The following HMCN1 variants were observed in gnomAD, a reference collection of about 807,000 sequenced individuals.
HMCN1 encodes the protein hemicentin 1, also known as hemicentin-1.
A neutral mutation model predicts 625.9 loss-of-function variants in HMCN1; 321 were observed. The ratio of observed to expected loss-of-function variants is 0.51; its 90% CI spans 0.47 to 0.56. The LOEUF is 0.56. Among genes scored for constraint, HMCN1 ranks in the 20% least tolerant of loss-of-function variants. The probability of loss-of-function intolerance (pLI) is 0.00; values close to 1 mark genes in which losing one functional copy is unlikely to be tolerated. For missense variants in HMCN1, 6,588 were observed against 6,887.3 expected, an observed-to-expected ratio of 0.96 and a Z score of 1.54; for synonymous variants, 2,425 against 2,417.6, an observed-to-expected ratio of 1.00 and a Z score of -0.09.
rs927852561 is a variant in HMCN1 at position 185,949,301 on chromosome 1, GT to G, written c.1829-13210del. On this transcript the variant is annotated intron_variant, in intron 11 of 106. Transcript: ENST00000271588. Reference sequence around the variant, plus strand: ...AGACAGAAGATAGTAGGGATGACAAGTTTTTTTGGGCACAGTCTAAGTTGGT... The same window carrying G: ...AGACAGAAGATAGTAGGGATGACAAGTTTTTTGGGCACAGTCTAAGTTGGT... Among the ~76,000 whole-genome samples the G allele has an allele frequency of 1.8e-3, 267 of 151,838 alleles. 2 individuals are homozygous for G. Among genetic ancestry groups the G allele is most frequent in the Non-Finnish European group, 3.1e-3 (211 of 68,004 alleles).
At chr1:185,872,506 A>G (rs1290305928) in intron 4 of HMCN1, among the ~76,000 whole-genome samples, 1 of 152,194 alleles carries the variant, frequency 6.6e-6, no homozygotes, top group Non-Finnish European at 1.5e-5. Flanking sequence ...TCATAATGAC[A>G]TTTAAAGAGT....
In HMCN1 at chr1:186,015,206, T is replaced by C. The variant is rs1174593151; in HGVS notation, c.4678T>C (p.Leu1560=). The change falls in exon 31 of 107, where the codon TTG becomes CTG. Residue 1560 remains leucine, a synonymous_variant. Transcript: ENST00000271588. The part of the protein sequence containing the change: ...GGNVTTDISV[L]INSLIKLECE... Reference sequence around the variant, plus strand: ...AAATGTCACCACAGACATATCAGTATTGATCAACAGCCTTATTAAACTGGA... The same window carrying C: ...AAATGTCACCACAGACATATCAGTACTGATCAACAGCCTTATTAAACTGGA... 6.2e-7 allele frequency: 1 copy of C among 1,613,730 alleles called. No homozygotes were observed. Among genetic ancestry groups the C allele is most frequent in the Admixed American group, 1.7e-5 (1 of 59,968 alleles).
intron 1 of HMCN1, among the ~76,000 whole-genome samples, chr1:185,760,068 T>G (rs1655392106): frequency 6.6e-6 from 1 of 152,202 alleles, no homozygotes; most frequent in Non-Finnish European, 1.5e-5. Flanking sequence ...TTTTGGGGTA[T>G]GATATTGCCA....
At position 185,830,200 on chromosome 1, in the gene HMCN1, C is replaced by A. The variant is rs376280521; in HGVS notation, c.269-15826C>A. On this transcript the variant is annotated intron_variant, in intron 1 of 106. Transcript: ENST00000271588. ...AATTTTCTCTCATTCTGTAGATTAC[C>A]TGTTCACTCTGATGATAGTTTCTTT... 1.1e-4 allele frequency among the ~76,000 whole-genome samples: 17 copies of A among 152,084 alleles called. No individual in the cohort carries two copies. In the East Asian group the frequency reaches 2.3e-3, roughly 21 times the overall value.
chr1:186,093,095 AATCTC>A (rs755347476), intron 64 of HMCN1, 34 bp from the exon 65 acceptor site: 305 of 1,612,492 alleles, frequency 1.9e-4, no homozygotes, highest in Non-Finnish European at 2.3e-4. Flanking sequence ...AAATAGATTC[AATCTC>A]ATCTCAGCCC....
At position 186,128,061 on chromosome 1, in the gene HMCN1, A is replaced by G. The variant is rs1319303578; in HGVS notation, c.12691-17A>G. ...GGATGATTATGAAATTTTAAATGTT[A>G]CTTTTTTTAATTTTAGCTGGAGGAT... On this transcript the variant is annotated splice_polypyrimidine_tract_variant and intron_variant, in intron 82 of 106. Coordinates refer to ENST00000271588, the MANE Select transcript of HMCN1 (RefSeq NM_031935.3). The G allele has an allele frequency of 6.2e-7, 1 of 1,607,494 alleles. No homozygotes were observed. Among genetic ancestry groups the G allele is most frequent in the African/African-American group, 1.3e-5 (1 of 74,718 alleles).
At chr1:185,946,992 G>A (rs1668381268) in intron 11 of HMCN1, among the ~76,000 whole-genome samples, 1 of 152,110 alleles carries the variant, frequency 6.6e-6, no homozygotes, top group South Asian at 2.1e-4. Context: ...TGAAACTGTT[G>A]CTCTTCTCTT....
chr1:185,822,643 A>T (rs553215747), intron 1 of HMCN1, among the ~76,000 whole-genome samples: 2 of 152,152 alleles, frequency 1.3e-5, no homozygotes, highest in East Asian at 1.9e-4. Context: ...TAAATTTAAA[A>T]TTTTTTCTAT....
At chr1:186,143,761 A>G (rs1459433538) in intron 89 of HMCN1, among the ~76,000 whole-genome samples, 1 of 152,226 alleles carries the variant, frequency 6.6e-6, no homozygotes, top group Admixed American at 6.5e-5. Flanking sequence ...TGTATTGTCT[A>G]TAACCACATC....
intron 55 of HMCN1, among the ~76,000 whole-genome samples, chr1:186,079,693 C>T (rs1311770329): frequency 1.3e-5 from 2 of 151,738 alleles, no homozygotes; most frequent in South Asian, 4.2e-4. Flanking sequence ...GGAAAGATTG[C>T]GATTCAGTGA....
intron 39 of HMCN1, 89 bp downstream of exon 39, chr1:186,039,968 A>G (rs1656101198): frequency 1.5e-6 from 2 of 1,297,260 alleles, no homozygotes; most frequent in East Asian, 4.6e-5. Flanking sequence ...AGAGATTTAG[A>G]GAACAAGGAT....
In HMCN1 at chr1:186,145,839, G is replaced by A. The variant is rs1319739012; in HGVS notation, c.14524G>A (p.Asp4842Asn). 25 of 1,613,926 alleles carry A rather than the reference G, an allele frequency of 1.5e-5. No individual in the cohort carries two copies. The highest frequency in any genetic ancestry group is 1.7e-5 in the Non-Finnish European group (20 of 1,179,982). Reference protein sequence around the residue: ...GGEKTRKRLCDHPVPVKGGRP... With the variant: ...GGEKTRKRLCNHPVPVKGGRP... ...TGAAAAGACTCGGAAGCGGCTGTGC[G>A]ACCATCCTGTGCCAGTTAAAGGTGG... The change falls in exon 93 of 107, where the codon GAC (aspartate) becomes AAC (asparagine). Residue 4842 changes from aspartate to asparagine, a missense_variant. Asp to Asn is a conservative substitution (Grantham distance 23, BLOSUM62 1). Coordinates refer to ENST00000271588, the MANE Select transcript of HMCN1 (RefSeq NM_031935.3).
intron 4 of HMCN1, among the ~76,000 whole-genome samples, chr1:185,906,970 T>C (rs1272303785): frequency 2.0e-5 from 3 of 148,764 alleles, no homozygotes; most frequent in Admixed American, 1.3e-4. Flanking sequence ...TTTTTTTTTT[T>C]AGTTAGGCAG....
At chr1:186,127,821 A>G (rs1235853197) in intron 82 of HMCN1, among the ~76,000 whole-genome samples, 1 of 152,146 alleles carries the variant, frequency 6.6e-6, no homozygotes, top group Non-Finnish European at 1.5e-5. Context: ...CTAGCAAACC[A>G]CAGAAACTAC....
intron 52 of HMCN1, among the ~76,000 whole-genome samples, chr1:186,071,572 C>A (rs905403677): frequency 2.0e-5 from 3 of 152,068 alleles, no homozygotes; most frequent in Admixed American, 6.6e-5. Flanking sequence ...ACATAATCAA[C>A]CAAATAGTCA....
intron 1 of HMCN1, among the ~76,000 whole-genome samples, chr1:185,792,558 A>T (rs2102203598): frequency 6.6e-6 from 1 of 152,118 alleles, no homozygotes; most frequent in African/African-American, 2.4e-5. Context: ...TGCATTTTTA[A>T]AAAAAAAGTA....
intron 1 of HMCN1, among the ~76,000 whole-genome samples, chr1:185,788,762 C>T (rs1657794155): frequency 6.6e-6 from 1 of 151,698 alleles, no homozygotes; most frequent in African/African-American, 2.4e-5. Context: ...TGAGGTTGTC[C>T]CCAAGTGCAG....
rs371967440 is a variant in HMCN1 at position 185,859,450 on chromosome 1, T to C, written c.340-5020T>C. The stretch of plus-strand genomic sequence containing the variant: ...AATTTCAATAATCTATTTACTTAAC[T>C]GAATATATCCAAAATATTTTGATAT... On this transcript the variant is annotated intron_variant, in intron 2 of 106. Coordinates refer to ENST00000271588, the MANE Select transcript of HMCN1 (RefSeq NM_031935.3). Among the ~76,000 whole-genome samples the C allele has an allele frequency of 4.6e-5, 7 of 152,246 alleles. No homozygotes were observed. In the East Asian group the frequency reaches 7.7e-4, roughly 17 times the overall value.
At chr1:185,793,405 C>T (rs1017815408) in intron 1 of HMCN1, among the ~76,000 whole-genome samples, 3 of 152,158 alleles carry the variant, frequency 2.0e-5, no homozygotes, top group Non-Finnish European at 2.9e-5. Flanking sequence ...TTCTGTGACT[C>T]GACTTTCTTG....
Sources: gnomAD v4.1 joint callset for allele counts (sites outside exome capture counted in the v4.1 genomes callset) on GRCh38, gnomAD v4.1.1 for gene constraint, MANE v1.5 for transcripts, NCBI Gene and HGNC (gene_info 2026-07-23, HGNC 2026-07-21) for gene names.